Variants in RBFOX1 observed in about 807,000 individuals in gnomAD.
The protein encoded by RBFOX1 is RNA binding fox-1 homolog 1.
Under a neutral mutation model 57.7 loss-of-function variants are expected in RBFOX1, and 8 were observed. The ratio of observed to expected loss-of-function variants is 0.14; its 90% confidence interval spans 0.08 to 0.25. RBFOX1 has a LOEUF of 0.25. Ranked by LOEUF, RBFOX1 falls within the 10% of genes least tolerant of loss-of-function variation. RBFOX1 has a pLI of 1.00. For synonymous variants in RBFOX1, 326 were observed against 222.4 expected, an observed-to-expected ratio of 1.47 and a Z score of -4.15; for missense variants, 611 against 548.5, an observed-to-expected ratio of 1.11 and a Z score of -1.14.
intron 4 of RBFOX1, among the ~76,000 whole-genome samples, chr16:7,338,903 G>C (rs1215554665): frequency 2.0e-5 from 3 of 152,138 alleles, no homozygotes; most frequent in Non-Finnish European, 4.4e-5. Context: ...TCCATGTTTG[G>C]AATGTCTGTT....
At chr16:7,666,044 C>G (rs757601520) in intron 13 of RBFOX1, among the ~76,000 whole-genome samples, 2 of 152,172 alleles carry the variant, frequency 1.3e-5, no homozygotes, top group African/African-American at 4.8e-5. Context: ...CCCATATGTC[C>G]TAATTCACTC....
At chr16:6,976,653 A>T (rs2153579676) in intron 3 of RBFOX1, among the ~76,000 whole-genome samples, 1 of 150,238 alleles carries the variant, frequency 6.7e-6, no homozygotes, top group African/African-American at 2.4e-5. Context: ...TACAATGTTT[A>T]TATATATATG....
intron 4 of RBFOX1, among the ~76,000 whole-genome samples, chr16:7,252,121 C>T (rs532450130): frequency 3.3e-5 from 5 of 152,268 alleles, no homozygotes; most frequent in South Asian, 4.2e-4. Flanking sequence ...ATTTATTTTC[C>T]AGCTCAGAAT....
chr16:5,563,617 A>G (rs935040756), intron 2 of RBFOX1, among the ~76,000 whole-genome samples: 2 of 152,178 alleles, frequency 1.3e-5, no homozygotes, highest in Admixed American at 1.3e-4. Context: ...TAAGTAGTTG[A>G]CCAGCCCTGA....
chr16:6,377,195 G>A (rs187543645), intron 2 of RBFOX1, among the ~76,000 whole-genome samples: 2 of 149,794 alleles, frequency 1.3e-5, no homozygotes, highest in African/African-American at 5.0e-5. Flanking sequence ...GATCACTTAA[G>A]CCCAGGAAGT....
chr16:5,879,390 A>G (rs1310663984), intron 4 of RBFOX1, among the ~76,000 whole-genome samples: 1 of 152,180 alleles, frequency 6.6e-6, no homozygotes, highest in Non-Finnish European at 1.5e-5. Flanking sequence ...GCTGAATTCT[A>G]GGCATGTCTC....
At chr16:7,459,398 C>T (rs937299148) in intron 4 of RBFOX1, among the ~76,000 whole-genome samples, 2 of 152,184 alleles carry the variant, frequency 1.3e-5, no homozygotes, top group African/African-American at 4.8e-5. Context: ...TCCGTGCCTT[C>T]CTTCCTTCTC....
intron 1 of RBFOX1, among the ~76,000 whole-genome samples, chr16:5,240,380 C>T (rs1355661134): frequency 6.6e-6 from 1 of 152,258 alleles, no homozygotes; most frequent in Non-Finnish European, 1.5e-5. Flanking sequence ...GAGGGGGAGC[C>T]CCGCGTCCTG....
At chr16:5,759,250 C>G (rs186972745) in intron 3 of RBFOX1, among the ~76,000 whole-genome samples, 2 of 152,184 alleles carry the variant, frequency 1.3e-5, no homozygotes, top group African/African-American at 2.4e-5. Flanking sequence ...GTTCAGCTTA[C>G]AGAAGAACCA....
At chr16:7,467,825 C>T (rs930424543) in intron 4 of RBFOX1, among the ~76,000 whole-genome samples, 3 of 152,194 alleles carry the variant, frequency 2.0e-5, no homozygotes, top group Admixed American at 2.0e-4. Flanking sequence ...TTTACAGAGT[C>T]CTTCTTTGTT....
chr16:5,381,077 T>C lies in RBFOX1; in HGVS notation c.220-86139T>C, dbSNP rs563610160. Among the ~76,000 whole-genome samples the C allele has an allele frequency of 1.4e-3, 216 of 152,224 alleles. No individual in the cohort carries two copies. The Middle Eastern group carries it at 0.017, about 12-fold the overall frequency. ...AGACCATGAGTCATTTACACCATAG[T>C]GTGAAATAGATACGCCACTGGAGAG... On this transcript the variant is annotated intron_variant, in intron 1 of 2. Coordinates refer to the RBFOX1 transcript ENST00000585867.
chr16:7,703,949 G>A (rs968599473), intron 14 of RBFOX1, among the ~76,000 whole-genome samples: 1 of 152,174 alleles, frequency 6.6e-6, no homozygotes, highest in Non-Finnish European at 1.5e-5. Context: ...GGGAGAGATT[G>A]GTTTGTGAAA....
chr16:5,805,911 C>T (rs1403857836), intron 3 of RBFOX1, among the ~76,000 whole-genome samples: 1 of 152,156 alleles, frequency 6.6e-6, no homozygotes, highest in African/African-American at 2.4e-5. Context: ...TGGATAAGGA[C>T]AGAGAGTGGA....
chr16:5,474,165 A>G (rs1457300988), intron 2 of RBFOX1, among the ~76,000 whole-genome samples: 1 of 152,190 alleles, frequency 6.6e-6, no homozygotes, highest in East Asian at 1.9e-4. Context: ...ATCTTGGATT[A>G]TTCAAACCCT....
At chr16:6,823,144 C>G (rs1395180033) in intron 3 of RBFOX1, among the ~76,000 whole-genome samples, 1 of 152,138 alleles carries the variant, frequency 6.6e-6, no homozygotes, top group Non-Finnish European at 1.5e-5. Context: ...TTGATAGAAG[C>G]CAGGACCATC....
chr16:6,601,411 C>T (rs555333566), intron 2 of RBFOX1, among the ~76,000 whole-genome samples: 1 of 152,154 alleles, frequency 6.6e-6, no homozygotes, highest in East Asian at 1.9e-4. Flanking sequence ...GTATTGTGGC[C>T]AGACTCCGGG....
At chr16:6,575,915 A>G (rs901528570) in intron 2 of RBFOX1, among the ~76,000 whole-genome samples, 1 of 151,956 alleles carries the variant, frequency 6.6e-6, no homozygotes, top group African/African-American at 2.4e-5. Flanking sequence ...AAAAACATGC[A>G]AGATAATTTA....
chr16:5,863,487 G>C (rs1178632651), intron 3 of RBFOX1, among the ~76,000 whole-genome samples: 1 of 152,194 alleles, frequency 6.6e-6, no homozygotes. Flanking sequence ...AGGCCTCTGC[G>C]GTACGGTCTG....
At chr16:5,430,534 T>TG (rs1300110567) in intron 1 of RBFOX1, among the ~76,000 whole-genome samples, 8 of 152,080 alleles carry the variant, frequency 5.3e-5, no homozygotes, top group Non-Finnish European at 1.2e-4. Context: ...AGGAGCATCT[T>TG]GCGGCGAGCA....
Sources: allele counts gnomAD v4.1 joint callset (sites outside exome capture counted in the v4.1 genomes callset), GRCh38; gene constraint gnomAD v4.1.1; transcripts MANE v1.5; gene names NCBI Gene and HGNC (gene_info 2026-07-23, HGNC 2026-07-21).